The following ARHGEF10 variants were observed in gnomAD, a reference collection of about 807,000 sequenced individuals.
ARHGEF10 encodes the protein Rho guanine nucleotide exchange factor 10.
ARHGEF10 carries 140 observed loss-of-function variants against 147.4 expected under a neutral mutation model. The observed-to-expected ratio is 0.95, with a 90% confidence interval of 0.83 to 1.09. The LOEUF is 1.09. Among genes scored for constraint, ARHGEF10 ranks in the 50% least tolerant of loss-of-function variants. ARHGEF10 has a pLI of 0.00. For synonymous variants in ARHGEF10, 902 were observed against 695.8 expected, an observed-to-expected ratio of 1.30 and a Z score of -4.67; for missense variants, 2,222 against 1,752.7, an observed-to-expected ratio of 1.27 and a Z score of -4.78.
At chr8:1,918,679 T>G (rs970417473) in intron 18 of ARHGEF10, among the ~76,000 whole-genome samples, 1 of 152,336 alleles carries the variant, frequency 6.6e-6, no homozygotes, top group Middle Eastern at 3.4e-3. Context: ...AAGTCTACTC[T>G]TAGTGATTTT....
intron 1 of ARHGEF10, among the ~76,000 whole-genome samples, chr8:1,833,684 C>T (rs1177774908): frequency 6.6e-6 from 1 of 152,240 alleles, no homozygotes; most frequent in Non-Finnish European, 1.5e-5. Context: ...CAGGCCGCTG[C>T]TGCCCTCATG....
At chr8:1,934,757 C>A (rs1813438733) in intron 26 of ARHGEF10, among the ~76,000 whole-genome samples, 1 of 152,166 alleles carries the variant, frequency 6.6e-6, no homozygotes, top group Non-Finnish European at 1.5e-5. Context: ...AGCAGTAGAA[C>A]AGTTTTATTA....
At chr8:1,908,450 T>C (rs1220003830) in intron 17 of ARHGEF10, among the ~76,000 whole-genome samples, 6 of 152,100 alleles carry the variant, frequency 3.9e-5, no homozygotes, top group Non-Finnish European at 7.4e-5. Flanking sequence ...GCCAGGATGG[T>C]CTCAATCTCC....
chr8:1,846,687 C>T (rs1379324660), intron 2 of ARHGEF10, among the ~76,000 whole-genome samples: 3 of 152,182 alleles, frequency 2.0e-5, no homozygotes, highest in Non-Finnish European at 4.4e-5. Context: ...AAGGATTCTC[C>T]TGCCTCAGTC....
rs572714641 is a variant in ARHGEF10 at position 1,933,776 on chromosome 8, T to A, written c.3080-24T>A. ...CTGTGCACAGAAAACTGAACTTGAATGAAATGAAATATTTTCTTTTAAGAT... is the reference window on the plus strand; with the variant it reads ...CTGTGCACAGAAAACTGAACTTGAAAGAAATGAAATATTTTCTTTTAAGAT... On this transcript the variant is annotated intron_variant, in intron 25 of 28. Transcript: ENST00000349830. 39 of 1,614,156 alleles carry A rather than the reference T, an allele frequency of 2.4e-5. 1 individual carries two copies. In the South Asian group the frequency reaches 3.8e-4, roughly 16 times the overall value.
intron 2 of ARHGEF10, among the ~76,000 whole-genome samples, chr8:1,847,670 G>A (rs1804665303): frequency 6.6e-6 from 1 of 152,198 alleles, no homozygotes; most frequent in East Asian, 1.9e-4. Context: ...ACAAACCGCA[G>A]TGACACCCAG....
intron 1 of ARHGEF10, among the ~76,000 whole-genome samples, chr8:1,829,878 T>C (rs959904431): frequency 6.6e-6 from 1 of 152,074 alleles, no homozygotes; most frequent in African/African-American, 2.4e-5. Context: ...TGGAATGGCG[T>C]TTAGACATGC....
chr8:1,923,017 C>G lies in ARHGEF10; in HGVS notation c.2197C>G (p.His733Asp), dbSNP rs147531758. 2 of 1,613,612 alleles carry G rather than the reference C, an allele frequency of 1.2e-6. No homozygotes were observed. Among genetic ancestry groups the G allele is most frequent in the Non-Finnish European group, 1.7e-6 (2 of 1,179,940 alleles). Residue 733 changes from histidine to aspartate, a missense_variant, in exon 19 of 29, where the codon CAT (histidine) becomes GAT (aspartate). Coordinates refer to ENST00000349830, the MANE Select transcript of ARHGEF10 (RefSeq NM_014629.4). Reference sequence around the variant, plus strand: ...GTATCAAGATTTACAAAACTTGTTGCATGACTTAAATGTAATTGGCCAAAT... The same window carrying G: ...GTATCAAGATTTACAAAACTTGTTGGATGACTTAAATGTAATTGGCCAAAT... ...QLYQDLQNLL[H>D]DLNVIGQITQ...
Position 1,858,025 on chromosome 8 carries a change from A to G in ARHGEF10, c.103A>G (p.Ser35Gly), listed in dbSNP as rs200417501. ...AGAGGGAGAACAGTTCGATTTTGACAGTGGAGATGAAATCCCAGAAGCGGA... is the reference window on the plus strand; with the variant it reads ...AGAGGGAGAACAGTTCGATTTTGACGGTGGAGATGAAATCCCAGAAGCGGA... ...EEEGEQFDFD[S>G]GDEIPEADRQ... The change falls in exon 3 of 29, where the codon AGT (serine) becomes GGT (glycine). Residue 35 changes from serine to glycine, a missense_variant. By Grantham distance (56) the Ser-to-Gly change is moderately conservative. Transcript: ENST00000349830. The G allele has an allele frequency of 6.2e-7, 1 of 1,614,048 alleles. No individual in the cohort carries two copies. Among genetic ancestry groups the G allele is most frequent in the African/African-American group, 1.3e-5 (1 of 74,916 alleles).
chr8:1,917,195 C>T (rs781106430), intron 18 of ARHGEF10, among the ~76,000 whole-genome samples: 18 of 152,244 alleles, frequency 1.2e-4, no homozygotes, highest in Non-Finnish European at 2.4e-4. Context: ...CTCTTTTAGA[C>T]TCCTGATGCA....
intron 15 of ARHGEF10, 55 bp from the exon 16 acceptor site, chr8:1,903,226 G>A (rs1037509138): frequency 6.2e-7 from 1 of 1,603,516 alleles, no homozygotes; most frequent in Non-Finnish European, 8.5e-7. Context: ...CGCGACTGTT[G>A]TTGCACTGGG....
chr8:1,841,461 T>G (rs7015432), intron 1 of ARHGEF10, among the ~76,000 whole-genome samples: 58,898 of 151,930 alleles, frequency 0.39, 12,118 homozygotes, highest in African/African-American at 0.52. Flanking sequence ...ATTGGTTTAT[T>G]GATTAGTGAT....
At chr8:1,824,695 C>T (rs1356170619) in intron 1 of ARHGEF10, among the ~76,000 whole-genome samples, 22 of 86,394 alleles carry the variant, frequency 2.5e-4, no homozygotes, top group Non-Finnish European at 2.9e-4. Context: ...CCCAGCTGTC[C>T]CCCGCGCCGC....
intron 10 of ARHGEF10, among the ~76,000 whole-genome samples, chr8:1,884,573 T>C (rs1808497200): frequency 6.6e-6 from 1 of 152,150 alleles, no homozygotes; most frequent in Non-Finnish European, 1.5e-5. Context: ...CGTTGATCTC[T>C]GAGGGAAAAG....
chr8:1,930,896 TGATCCCTGGCC>T (rs1391682618), intron 25 of ARHGEF10, among the ~76,000 whole-genome samples: 4 of 152,248 alleles, frequency 2.6e-5, no homozygotes, highest in Non-Finnish European at 5.9e-5. Flanking sequence ...GTGACCCTGC[TGATCCCTGGCC>T]GATCCCTGGC....
At chr8:1,892,913 C>T (rs1207769129) in intron 11 of ARHGEF10, among the ~76,000 whole-genome samples, 2 of 151,976 alleles carry the variant, frequency 1.3e-5, no homozygotes, top group East Asian at 3.9e-4. Flanking sequence ...ATCTTACAGC[C>T]ACAAGTCTAT....
chr8:1,921,100 G>A lies in ARHGEF10; in HGVS notation c.2144-1864G>A, dbSNP rs183281558. Reference sequence around the variant, plus strand: ...TATGCCTGGCCGCTCCCTTTGTTACGAAACTTCATGATACTTCAAATGCAG... The same window carrying A: ...TATGCCTGGCCGCTCCCTTTGTTACAAAACTTCATGATACTTCAAATGCAG... On this transcript the variant is annotated intron_variant, in intron 18 of 28. Transcript: ENST00000349830. 1.7e-3 allele frequency among the ~76,000 whole-genome samples: 252 copies of A among 152,210 alleles called. 2 individuals are homozygous for A. Among genetic ancestry groups the A allele is most frequent in the African/African-American group, 5.4e-3 (225 of 41,530 alleles).
intron 17 of ARHGEF10, among the ~76,000 whole-genome samples, chr8:1,908,722 TGTTTTGTGTTTCTTCAC>T (rs774425460): frequency 1.7e-4 from 26 of 152,162 alleles, no homozygotes; most frequent in Non-Finnish European, 3.4e-4. Flanking sequence ...TGTACATATG[TGTTTTGTGTTTCTTCAC>T]GTATATGTTC....
At chr8:1,942,755 T>C (rs1298208893) in intron 26 of ARHGEF10, among the ~76,000 whole-genome samples, 4 of 152,098 alleles carry the variant, frequency 2.6e-5, no homozygotes, top group African/African-American at 7.2e-5. Flanking sequence ...GTTTCAGCCA[T>C]AGAAAGGAGT....
Sources: gnomAD v4.1 joint callset for allele counts (sites outside exome capture counted in the v4.1 genomes callset) on GRCh38, gnomAD v4.1.1 for gene constraint, MANE v1.5 for transcripts, NCBI Gene and HGNC (gene_info 2026-07-23, HGNC 2026-07-21) for gene names.